The following MGAT4C variants were observed in gnomAD, a reference collection of about 807,000 sequenced individuals.
MGAT4C encodes alpha-1,3-mannosyl-glycoprotein 4-beta-N-acetylglucosaminyltransferase C.
In MGAT4C, 19 loss-of-function variants were observed where a neutral mutation model predicts 40.1. That is an observed-to-expected ratio of 0.47 (90% CI 0.33 to 0.70). MGAT4C has a LOEUF of 0.70. Ranked by LOEUF, MGAT4C falls within the 30% of genes least tolerant of loss-of-function variation. The pLI is 0.02. For missense variants in MGAT4C, 491 were observed against 563.2 expected, an observed-to-expected ratio of 0.87 and a Z score of 1.30; for synonymous variants, 181 against 187.1, an observed-to-expected ratio of 0.97 and a Z score of 0.27.
chr12:86,536,249 A>C (rs1959066013), intron 2 of MGAT4C, among the ~76,000 whole-genome samples: 1 of 152,250 alleles, frequency 6.6e-6, no homozygotes, highest in African/African-American at 2.4e-5. Flanking sequence ...ATACTATAAC[A>C]GTCACCTATA....
chr12:86,605,398 A>T (rs1200528434), intron 2 of MGAT4C, among the ~76,000 whole-genome samples: 2 of 152,070 alleles, frequency 1.3e-5, no homozygotes, highest in Non-Finnish European at 2.9e-5. Flanking sequence ...ATGAGTAAAC[A>T]TGACCACTGG....
At chr12:86,530,955 G>A (rs1216325477) in intron 2 of MGAT4C, among the ~76,000 whole-genome samples, 2 of 152,000 alleles carry the variant, frequency 1.3e-5, no homozygotes, top group African/African-American at 4.8e-5. Flanking sequence ...CATAATACAT[G>A]AGAATCTGTA....
intron 2 of MGAT4C, among the ~76,000 whole-genome samples, chr12:86,018,245 A>G (rs1366169831): frequency 6.6e-6 from 1 of 152,168 alleles, no homozygotes; most frequent in Admixed American, 6.5e-5. Context: ...GGCAACGTTA[A>G]TCTACCCCAA....
chr12:86,457,637 A>T (rs1313261164), intron 2 of MGAT4C, among the ~76,000 whole-genome samples: 1 of 152,098 alleles, frequency 6.6e-6, no homozygotes, highest in African/African-American at 2.4e-5. Flanking sequence ...CTTAGTTTTA[A>T]AGGGAAAGAA....
At chr12:86,366,449 C>T (rs1955598241) in intron 3 of MGAT4C, among the ~76,000 whole-genome samples, 1 of 152,046 alleles carries the variant, frequency 6.6e-6, no homozygotes, top group Non-Finnish European at 1.5e-5. Context: ...AGGTCACTAT[C>T]CTAAGCAAAT....
chr12:86,405,688 TC>T (rs1473343019), intron 3 of MGAT4C, among the ~76,000 whole-genome samples: 2 of 151,544 alleles, frequency 1.3e-5, no homozygotes, highest in Non-Finnish European at 2.9e-5. Context: ...ATAGGTAGAA[TC>T]AGTCTAACTG....
intron 2 of MGAT4C, among the ~76,000 whole-genome samples, chr12:86,530,168 C>T (rs1268844031): frequency 6.6e-6 from 1 of 151,866 alleles, no homozygotes; most frequent in Non-Finnish European, 1.5e-5. Context: ...TAGGACTGGT[C>T]GTTGTTATGC....
At chr12:86,158,517 C>A (rs1198466141) in intron 1 of MGAT4C, among the ~76,000 whole-genome samples, 4 of 151,916 alleles carry the variant, frequency 2.6e-5, no homozygotes, top group African/African-American at 9.7e-5. Context: ...AACTTTATTT[C>A]TTCTTCTTAT....
chr12:86,094,888 G>C (rs1873609368), intron 1 of MGAT4C, among the ~76,000 whole-genome samples: 1 of 152,104 alleles, frequency 6.6e-6, no homozygotes, highest in African/African-American at 2.4e-5. Flanking sequence ...AAGGATTACA[G>C]AGCCAATTCT....
chr12:86,079,457 CA>C (rs1243190207), intron 1 of MGAT4C, among the ~76,000 whole-genome samples: 1 of 152,078 alleles, frequency 6.6e-6, no homozygotes, highest in Non-Finnish European at 1.5e-5. Context: ...ACTATGAGAT[CA>C]AAAGAGCAAG....
chr12:86,159,809 A>T (rs1198253709), intron 1 of MGAT4C, among the ~76,000 whole-genome samples: 1 of 152,006 alleles, frequency 6.6e-6, no homozygotes, highest in South Asian at 2.1e-4. Flanking sequence ...ATTCTAATTT[A>T]TGTGCATAGT....
At chr12:86,150,619 A>G (rs1161391341) in intron 1 of MGAT4C, among the ~76,000 whole-genome samples, 1 of 152,218 alleles carries the variant, frequency 6.6e-6, no homozygotes, top group Admixed American at 6.5e-5. Flanking sequence ...GAAATAGTGG[A>G]TGGTGCAGTA....
chr12:86,684,413 T>C (rs1950035163), intron 2 of MGAT4C, among the ~76,000 whole-genome samples: 1 of 152,264 alleles, frequency 6.6e-6, no homozygotes, highest in Non-Finnish European at 1.5e-5. Flanking sequence ...TGCCACATTT[T>C]CTTTATCCAG....
chr12:86,443,442 G>T (rs953226919), intron 2 of MGAT4C, among the ~76,000 whole-genome samples: 18 of 152,052 alleles, frequency 1.2e-4, no homozygotes, highest in Non-Finnish European at 1.5e-4. Context: ...TACTGACCAT[G>T]AATAACAAAT....
rs572326480 is a variant in MGAT4C at position 86,243,913 on chromosome 12, A to T, written c.-57+12326T>A. Reference sequence around the variant, plus strand: ...AATTTGTGGTAACTTGTTACACAGCAATATAAAACAAATACATTTTTCATG... The same window carrying T: ...AATTTGTGGTAACTTGTTACACAGCTATATAAAACAAATACATTTTTCATG... On this transcript the variant is annotated intron_variant, in intron 1 of 4. Transcript: ENST00000611864. Among the ~76,000 whole-genome samples the T allele has an allele frequency of 3.3e-5, 5 of 152,332 alleles. No individual in the cohort carries two copies. The East Asian group carries it at 9.6e-4, about 29-fold the overall frequency.
At chr12:86,213,604 T>A (rs1258947763) in intron 1 of MGAT4C, among the ~76,000 whole-genome samples, 3 of 150,770 alleles carry the variant, frequency 2.0e-5, no homozygotes, top group African/African-American at 7.3e-5. Context: ...AATGGTTCCT[T>A]AACACCAATT....
intron 2 of MGAT4C, among the ~76,000 whole-genome samples, chr12:86,498,391 G>A (rs1049419811): frequency 1.3e-5 from 2 of 151,610 alleles, no homozygotes; most frequent in Admixed American, 1.3e-4. Context: ...AACCACAGGT[G>A]AACTGTGTAG....
chr12:86,362,684 A>T (rs780046366), intron 3 of MGAT4C, among the ~76,000 whole-genome samples: 2 of 151,866 alleles, frequency 1.3e-5, no homozygotes, highest in Admixed American at 6.6e-5. Context: ...TAACACAGTG[A>T]AACCCTGTCT....
chr12:86,510,836 T>A (rs924385079), intron 2 of MGAT4C, among the ~76,000 whole-genome samples: 14 of 152,202 alleles, frequency 9.2e-5, no homozygotes, highest in African/African-American at 2.9e-4. Context: ...CCCAGATTCA[T>A]AAAGCAAGTC....
Sources: allele counts gnomAD v4.1 joint callset (sites outside exome capture counted in the v4.1 genomes callset), GRCh38; gene constraint gnomAD v4.1.1; transcripts MANE v1.5; gene names NCBI Gene and HGNC (gene_info 2026-07-23, HGNC 2026-07-21).